PHF21B: variants seen among roughly 807,000 people sequenced by gnomAD.
The protein encoded by PHF21B is PHD finger protein 4.
PHF21B carries 22 observed loss-of-function variants against 62.2 expected under a neutral mutation model. The ratio of observed to expected loss-of-function variants is 0.35; its 90% CI spans 0.25 to 0.51. PHF21B has a LOEUF of 0.51. Ranked by LOEUF, PHF21B falls within the 20% of genes least tolerant of loss-of-function variation. The pLI is 0.97. For missense variants in PHF21B, 701 were observed against 707.9 expected (o/e 0.99, Z 0.11); for synonymous variants, 341 against 314.7 (o/e 1.08, Z -0.88).
At chr22:44,907,352 T>C (rs1469403433) in intron 5 of PHF21B, among the ~76,000 whole-genome samples, 1 of 152,186 alleles carries the variant, frequency 6.6e-6, no homozygotes, top group African/African-American at 2.4e-5. Context: ...GCTACAACCT[T>C]GGGCAAGGTG....
chr22:44,965,481 C>T (rs369526701), intron 2 of PHF21B, among the ~76,000 whole-genome samples: 1 of 142,378 alleles, frequency 7.0e-6, no homozygotes, highest in African/African-American at 2.5e-5. Context: ...CTTTTTCCAT[C>T]CTGCACGGCC....
Position 45,009,614 on chromosome 22 carries a change from C to A in PHF21B, c.-65G>T. On this transcript the variant is annotated 5_prime_UTR_variant, in exon 1 of 13. Coordinates refer to ENST00000313237, the MANE Select transcript of PHF21B (RefSeq NM_138415.5). The surrounding 1 kb of genome is among the most constrained non-coding windows in gnomAD (Gnocchi z 5.9). Reference sequence around the variant, plus strand: ...GGGCTCCCGGGAAGTTGCGCGGCTCCGCGGGGGCCAGAGCGGGCGCGGGCG... The same window carrying A: ...GGGCTCCCGGGAAGTTGCGCGGCTCAGCGGGGGCCAGAGCGGGCGCGGGCG... The A allele has an allele frequency of 2.0e-6, 3 of 1,474,412 alleles. No homozygotes were observed. 91.3% of individuals were successfully genotyped at this position (1,474,412 alleles called of 1,614,324 possible). A position where few individuals can be genotyped will look rare whatever the true frequency, so the allele number is the denominator to read the frequency against.
chr22:44,887,437 G>T (rs2070878858), intron 10 of PHF21B, among the ~76,000 whole-genome samples: 1 of 152,238 alleles, frequency 6.6e-6, no homozygotes, highest in South Asian at 2.1e-4. Flanking sequence ...GTAAAAACCT[G>T]TTGGATGCTG....
intron 5 of PHF21B, among the ~76,000 whole-genome samples, chr22:44,903,865 C>A (rs1361125732): frequency 6.6e-6 from 1 of 152,168 alleles, no homozygotes; most frequent in South Asian, 2.1e-4. Context: ...ACAAACAGCA[C>A]ACAACTGGAT....
At chr22:45,004,728 G>C (rs919257658) in intron 2 of PHF21B, among the ~76,000 whole-genome samples, 2 of 152,222 alleles carry the variant, frequency 1.3e-5, no homozygotes, top group African/African-American at 2.4e-5. Flanking sequence ...CTGCTTCTAA[G>C]GTGGAATCCC....
intron 2 of PHF21B, among the ~76,000 whole-genome samples, chr22:45,006,549 A>G (rs903281482): frequency 6.6e-6 from 1 of 152,230 alleles, no homozygotes; most frequent in African/African-American, 2.4e-5. Context: ...GGCATGACAG[A>G]TAATAAATAG....
At chr22:44,920,772 G>C (rs1225568512) in intron 2 of PHF21B, among the ~76,000 whole-genome samples, 4 of 152,154 alleles carry the variant, frequency 2.6e-5, no homozygotes, top group African/African-American at 9.7e-5. Context: ...GCTAAATATA[G>C]AATGTTGTAA....
At chr22:44,889,930 T>G (rs1446757689) in intron 8 of PHF21B, 148 bp from the exon 9 acceptor site, 1 of 745,740 alleles carries the variant, frequency 1.3e-6, no homozygotes, top group African/African-American at 1.9e-5. Flanking sequence ...ACCTGGGCTC[T>G]CACCCCAGGG....
At chr22:44,984,856 G>A (rs552781929) in intron 2 of PHF21B, among the ~76,000 whole-genome samples, 3 of 152,274 alleles carry the variant, frequency 2.0e-5, no homozygotes, top group East Asian at 1.9e-4. Flanking sequence ...GAAGAGGAAC[G>A]GACGGCACCC....
intron 10 of PHF21B, among the ~76,000 whole-genome samples, chr22:44,887,349 CTA>C (rs1313625025): frequency 6.6e-6 from 1 of 152,148 alleles, no homozygotes; most frequent in Non-Finnish European, 1.5e-5. Flanking sequence ...GATTCCCAAA[CTA>C]TATAGCAGCT....
intron 2 of PHF21B, among the ~76,000 whole-genome samples, chr22:44,940,628 G>A (rs1355729135): frequency 6.6e-6 from 1 of 152,218 alleles, no homozygotes; most frequent in East Asian, 1.9e-4. Context: ...AGAGAACACT[G>A]CTCTCAGACT....
intron 2 of PHF21B, among the ~76,000 whole-genome samples, chr22:44,964,335 G>A (rs747027829): frequency 1.3e-5 from 2 of 152,124 alleles, no homozygotes; most frequent in Non-Finnish European, 2.9e-5. Context: ...GCCTCGGCCC[G>A]AGGGAGGATG....
At chr22:44,925,372 T>A (rs2071608969) in intron 2 of PHF21B, among the ~76,000 whole-genome samples, 1 of 152,190 alleles carries the variant, frequency 6.6e-6, no homozygotes, top group Non-Finnish European at 1.5e-5. Flanking sequence ...ATGAATATCA[T>A]CCATCCTCAA....
chr22:44,949,953 A>G (rs6006911), intron 2 of PHF21B, among the ~76,000 whole-genome samples: 125,892 of 152,198 alleles, frequency 0.83, 52,734 homozygotes, highest in East Asian at 0.92. Context: ...AAGTTCAGGC[A>G]ACATTTTTTG....
At chr22:44,903,993 A>G (rs2071205657) in intron 5 of PHF21B, among the ~76,000 whole-genome samples, 1 of 152,032 alleles carries the variant, frequency 6.6e-6, no homozygotes, top group African/African-American at 2.4e-5. Flanking sequence ...TTTTCAGTGT[A>G]TCCTTTTTCA....
intron 6 of PHF21B, among the ~76,000 whole-genome samples, chr22:44,895,118 G>T (rs1432991457): frequency 6.6e-6 from 1 of 152,216 alleles, no homozygotes; most frequent in African/African-American, 2.4e-5. Flanking sequence ...GCCTTTGCAG[G>T]TGAGGTGGGT....
At chr22:45,008,906 G>A (rs1462817621) in intron 1 of PHF21B, 3 of 1,132,366 alleles carry the variant, frequency 2.6e-6, no homozygotes, top group Admixed American at 4.8e-5. Flanking sequence ...GTGCGAGTGA[G>A]TGTGAGTGTG....
In PHF21B at chr22:45,008,631, G is replaced by A. The variant is rs776518455; in HGVS notation, c.55-21C>T. On this transcript the variant is annotated intron_variant, in intron 1 of 12. Transcript: ENST00000313237. Reference sequence around the variant, plus strand: ...CCGTTCTGCGGAAACACGGAGGAGCGGGCTCAGGCAGGCCACCCGGGGTCA... The same window carrying A: ...CCGTTCTGCGGAAACACGGAGGAGCAGGCTCAGGCAGGCCACCCGGGGTCA... The A allele has an allele frequency of 9.6e-6, 15 of 1,567,374 alleles. No individual in the cohort carries two copies. The East Asian group carries it at 1.7e-4, about 17-fold the overall frequency.
intron 2 of PHF21B, among the ~76,000 whole-genome samples, chr22:44,951,307 G>GTTCAC (rs753546163): frequency 1.3e-5 from 2 of 152,196 alleles, no homozygotes; most frequent in Non-Finnish European, 2.9e-5. Flanking sequence ...TGCATGCAGA[G>GTTCAC]TTCACAATAG....
Sources: gnomAD v4.1 joint callset for allele counts (sites outside exome capture counted in the v4.1 genomes callset) on GRCh38, gnomAD v4.1.1 for gene constraint, Gnocchi (gnomAD v3.1) non-coding constraint, MANE v1.5 for transcripts, NCBI Gene and HGNC (gene_info 2026-07-23, HGNC 2026-07-21) for gene names.